The following NFYC variants were observed in gnomAD, a reference collection of about 807,000 sequenced individuals.
NFYC encodes the protein nuclear transcription factor Y subunit gamma.
NFYC carries 25 observed loss-of-function variants against 53.1 expected under a neutral mutation model. The ratio of observed to expected loss-of-function variants is 0.47; its 90% CI spans 0.34 to 0.66. The LOEUF (loss-of-function observed/expected upper bound fraction) is 0.66, where lower values mean the gene tolerates loss of function less well. Among genes scored for constraint, NFYC ranks in the 30% least tolerant of loss-of-function variants. NFYC has a pLI of 0.01. For missense variants in NFYC, 260 were observed against 422.7 expected (o/e 0.62, Z 3.38); for synonymous variants, 145 against 152.6 (o/e 0.95, Z 0.37).
intron 1 of NFYC, among the ~76,000 whole-genome samples, chr1:40,715,086 CAATA>C (rs59310200): frequency 0.32 from 45,907 of 142,380 alleles, 7,858 homozygotes; most frequent in East Asian, 0.42. Context: ...TGTCTCAAAA[CAATA>C]AATAAATAAA....
chr1:40,735,588 T>C, intron 1 of NFYC: 2 of 985,398 alleles, frequency 2.0e-6, no homozygotes, highest in Non-Finnish European at 2.4e-6. Flanking sequence ...TACCAGACTT[T>C]TAAATCGTAC....
rs1647029904 is a variant in NFYC at position 40,770,406 on chromosome 1, G to A, written c.889-303G>A. 14 of 1,547,032 alleles carry A rather than the reference G, an allele frequency of 9.0e-6. No individual in the cohort carries two copies. The highest frequency in any genetic ancestry group is 2.4e-5 in the East Asian group (1 of 40,842). ...CTTGTGTTTGCCACAGAGGAACAGC[G>A]TGCAGCAAGCTCGAGTCTCTGAGCT... On this transcript the variant is annotated intron_variant, in intron 9 of 9. Coordinates refer to ENST00000447388, the MANE Select transcript of NFYC (RefSeq NM_014223.5). The surrounding 1 kb of genome is among the most constrained non-coding windows in gnomAD (Gnocchi z 5.3).
chr1:40,724,969 A>G (rs1480106100), intron 1 of NFYC, among the ~76,000 whole-genome samples: 1 of 152,184 alleles, frequency 6.6e-6, no homozygotes. Context: ...TAACACAGAT[A>G]TACCTTCAAA....
intron 1 of NFYC, among the ~76,000 whole-genome samples, chr1:40,713,025 A>G (rs1643992557): frequency 6.6e-6 from 1 of 152,112 alleles, no homozygotes. Context: ...TTGTGGGATG[A>G]ACACTTTAAA....
At chr1:40,761,508 T>C (rs554279463) in intron 6 of NFYC, among the ~76,000 whole-genome samples, 1 of 152,360 alleles carries the variant, frequency 6.6e-6, no homozygotes, top group South Asian at 2.1e-4. Flanking sequence ...TGAAAACTTA[T>C]TTCTGGAGGT....
rs199561106 is a variant in NFYC, at chr1:40,758,099, T to G, written c.388-22T>G. 3,056 of 1,611,476 alleles carry G rather than the reference T, an allele frequency of 1.9e-3. 6 individuals are homozygous for G. Among genetic ancestry groups the G allele is most frequent in the Non-Finnish European group, 2.4e-3 (2,859 of 1,179,706 alleles). On this transcript the variant is annotated intron_variant, in intron 5 of 9. Transcript: ENST00000447388. ...CTGAGTTGGTTCTTTTCCTCTTACCTGCCTCTCTTTCCACCCAACAGGAGG... is the reference window on the plus strand; with the variant it reads ...CTGAGTTGGTTCTTTTCCTCTTACCGGCCTCTCTTTCCACCCAACAGGAGG...
intron 1 of NFYC, among the ~76,000 whole-genome samples, chr1:40,717,146 C>A (rs1644166684): frequency 6.6e-6 from 1 of 151,796 alleles, no homozygotes. Context: ...ACCTAGGGGA[C>A]AAACAGGAGA....
chr1:40,713,894 G>A (rs963911752), intron 1 of NFYC, among the ~76,000 whole-genome samples: 1 of 152,234 alleles, frequency 6.6e-6, no homozygotes, highest in Non-Finnish European at 1.5e-5. Flanking sequence ...AGGTTCAGAA[G>A]TCTTTACCTG....
chr1:40,695,301 C>G (rs1383696217), intron 1 of NFYC, among the ~76,000 whole-genome samples: 4 of 152,130 alleles, frequency 2.6e-5, no homozygotes, highest in Non-Finnish European at 5.9e-5. Context: ...ATTTTTATCC[C>G]CTTTTATTTT....
At chr1:40,699,086 T>TCCTC (rs1343223388) in intron 1 of NFYC, among the ~76,000 whole-genome samples, 2 of 151,358 alleles carry the variant, frequency 1.3e-5, no homozygotes, top group Non-Finnish European at 3.0e-5. Flanking sequence ...ATCGCTTGAA[T>TCCTC]CCGGGAGGCA....
intron 1 of NFYC, among the ~76,000 whole-genome samples, chr1:40,701,595 G>C (rs1437045197): frequency 6.6e-6 from 1 of 152,168 alleles, no homozygotes; most frequent in African/African-American, 2.4e-5. Context: ...CCCTGGGTTA[G>C]GTGCTATGCT....
At chr1:40,743,645 A>G (rs1332076969) in intron 2 of NFYC, among the ~76,000 whole-genome samples, 4 of 152,178 alleles carry the variant, frequency 2.6e-5, no homozygotes, top group African/African-American at 9.7e-5. Context: ...TGACATTTCT[A>G]ACATTACAAT....
intron 4 of NFYC, among the ~76,000 whole-genome samples, chr1:40,752,521 C>T (rs1645972663): frequency 6.6e-6 from 1 of 152,124 alleles, no homozygotes; most frequent in African/African-American, 2.4e-5. Context: ...CTCCTGTGTT[C>T]TCTTACCTCT....
intron 5 of NFYC, among the ~76,000 whole-genome samples, chr1:40,755,721 C>G (rs1032039274): frequency 6.6e-6 from 1 of 152,148 alleles, no homozygotes; most frequent in African/African-American, 2.4e-5. Flanking sequence ...TGTGCCTTGT[C>G]CTAACAACAC....
At chr1:40,718,476 C>T (rs893850141) in intron 1 of NFYC, among the ~76,000 whole-genome samples, 2 of 152,204 alleles carry the variant, frequency 1.3e-5, no homozygotes, top group African/African-American at 4.8e-5. Context: ...CCAGAGTTCT[C>T]ATCAACTCTC....
At chr1:40,735,655 G>A (rs1009473004) in intron 1 of NFYC, 10 of 985,268 alleles carry the variant, frequency 1.0e-5, no homozygotes, top group East Asian at 1.1e-4. Flanking sequence ...CAGAGATATC[G>A]TCCTGGCAAT....
intron 1 of NFYC, among the ~76,000 whole-genome samples, chr1:40,727,820 C>T (rs931492311): frequency 7.9e-5 from 12 of 151,540 alleles, no homozygotes; most frequent in Non-Finnish European, 1.6e-4. Flanking sequence ...CATGAGTCAC[C>T]GCGCCCAGCC....
intron 1 of NFYC, chr1:40,721,487 A>G (rs939426031): frequency 2.0e-5 from 3 of 152,082 alleles, no homozygotes; most frequent in African/African-American, 7.2e-5. Flanking sequence ...GATTCCTTTC[A>G]CAAGACAAAA....
intron 6 of NFYC, among the ~76,000 whole-genome samples, chr1:40,762,652 T>A (rs1041866099): frequency 6.6e-6 from 1 of 152,224 alleles, no homozygotes; most frequent in African/African-American, 2.4e-5. Flanking sequence ...TTGGGACCCA[T>A]GCAAATATTT....
Sources: gnomAD v4.1 joint callset for allele counts (sites outside exome capture counted in the v4.1 genomes callset) on GRCh38, gnomAD v4.1.1 for gene constraint, Gnocchi (gnomAD v3.1) non-coding constraint, MANE v1.5 for transcripts, NCBI Gene and HGNC (gene_info 2026-07-23, HGNC 2026-07-21) for gene names.